Variants in ATRNL1 observed in about 807,000 individuals in gnomAD.
ATRNL1 encodes the protein attractin-like protein 1.
Under a neutral mutation model 182.7 loss-of-function variants are expected in ATRNL1, and 95 were observed. The ratio of observed to expected loss-of-function variants is 0.52; its 90% CI spans 0.44 to 0.62. The LOEUF (loss-of-function observed/expected upper bound fraction) is 0.62. Ranked by LOEUF, ATRNL1 falls within the 20% of genes least tolerant of loss-of-function variation. The pLI, the probability that ATRNL1 is intolerant of heterozygous loss-of-function variation, is 0.00. For missense variants in ATRNL1, 1,471 were observed against 1,679.5 expected (o/e 0.88, Z 2.17); for synonymous variants, 576 against 568.3 (o/e 1.01, Z -0.19).
Position 115,704,949 on chromosome 10 carries a change from C to T in ATRNL1, c.3796-22299C>T, listed in dbSNP as rs368887808. Among the ~76,000 whole-genome samples, 10 of 151,886 alleles carry T rather than the reference C, an allele frequency of 6.6e-5. No homozygotes were observed. In the East Asian group the frequency reaches 1.4e-3, roughly 21 times the overall value. ...CTAGTTAACTCCTTCTTCTCCTTCA[C>T]GTTTCATGTGGAAGCCTTCCCGGCC... On this transcript the variant is annotated intron_variant, in intron 26 of 28. Coordinates refer to ENST00000355044, the MANE Select transcript of ATRNL1 (RefSeq NM_207303.4).
rs797037402 is a variant in ATRNL1 at position 115,779,988 on chromosome 10, A to C, written c.3903+52633A>C. Among the ~76,000 whole-genome samples the C allele has an allele frequency of 4.6e-5, 7 of 152,348 alleles. 1 individual carries two copies. The highest frequency in any genetic ancestry group is 1.4e-4 in the African/African-American group (6 of 41,578). ...TACACACAAGAAAAGCACCTTCATA[A>C]GTACCAGAAATCAGGTGAGCAATCA... is the stretch of plus-strand genomic sequence containing the variant. On this transcript the variant is annotated intron_variant, in intron 27 of 28. Coordinates refer to ENST00000355044, the MANE Select transcript of ATRNL1 (RefSeq NM_207303.4).
chr10:115,541,390 GA>G (rs1208625011), intron 25 of ATRNL1, among the ~76,000 whole-genome samples: 8 of 152,036 alleles, frequency 5.3e-5, no homozygotes, highest in Non-Finnish European at 1.2e-4. Context: ...TGGATAAAAA[GA>G]AAAAGACAAA....
intron 20 of ATRNL1, among the ~76,000 whole-genome samples, chr10:115,416,307 T>A (rs1477465156): frequency 6.6e-6 from 1 of 152,154 alleles, no homozygotes; most frequent in Non-Finnish European, 1.5e-5. Context: ...TACCTGTGTT[T>A]CCTTAAATGA....
At chr10:115,869,941 G>A (rs1951537960) in intron 28 of ATRNL1, among the ~76,000 whole-genome samples, 1 of 127,276 alleles carries the variant, frequency 7.9e-6, no homozygotes, top group South Asian at 2.7e-4. Flanking sequence ...TCCTCTTCTT[G>A]GGTATTTATG....
chr10:115,578,043 G>A (rs1854832892), intron 26 of ATRNL1, among the ~76,000 whole-genome samples: 1 of 151,680 alleles, frequency 6.6e-6, no homozygotes, highest in Non-Finnish European at 1.5e-5. Context: ...CTTTTAATGT[G>A]TTGTGTCACA....
intron 15 of ATRNL1, among the ~76,000 whole-genome samples, chr10:115,291,681 AC>A (rs1852911280): frequency 6.6e-6 from 1 of 151,900 alleles, no homozygotes; most frequent in Non-Finnish European, 1.5e-5. Context: ...TGTAGGTTGA[AC>A]CATCCTTGTA....
chr10:115,888,639 T>C (rs1230068481), intron 28 of ATRNL1, among the ~76,000 whole-genome samples: 1 of 152,242 alleles, frequency 6.6e-6, no homozygotes, highest in Non-Finnish European at 1.5e-5. Context: ...ATAATTACTA[T>C]GCATTTTTCT....
intron 26 of ATRNL1, among the ~76,000 whole-genome samples, chr10:115,707,237 TCA>T (rs762819784): frequency 4.1e-4 from 63 of 151,826 alleles, no homozygotes; most frequent in Non-Finnish European, 3.2e-4. Flanking sequence ...TCTAAACAAT[TCA>T]GAGACATCAA....
intron 1 of ATRNL1, among the ~76,000 whole-genome samples, chr10:115,106,600 A>G (rs565828939): frequency 6.6e-6 from 1 of 152,308 alleles, no homozygotes; most frequent in South Asian, 2.1e-4. Context: ...TAATTGAATC[A>G]TGGGGGCCAG....
At chr10:115,462,148 AACT>A (rs1265404364) in intron 22 of ATRNL1, 113 bp downstream of exon 22, 2 of 600,008 alleles carry the variant, frequency 3.3e-6, no homozygotes, top group Non-Finnish European at 5.5e-6. Flanking sequence ...CCTTTGTAGA[AACT>A]ACTAATCCTA....
chr10:115,933,398 A>T (rs1413970348), intron 28 of ATRNL1, among the ~76,000 whole-genome samples: 4 of 128,964 alleles, frequency 3.1e-5, no homozygotes, highest in African/African-American at 4.7e-5. Context: ...TCATCAACTA[A>T]CAAGACCAAA....
chr10:115,251,974 G>A (rs1158465257), intron 10 of ATRNL1, among the ~76,000 whole-genome samples: 1 of 152,096 alleles, frequency 6.6e-6, no homozygotes, highest in African/African-American at 2.4e-5. Flanking sequence ...AGTACCACTT[G>A]TACTCTCCCA....
intron 18 of ATRNL1, among the ~76,000 whole-genome samples, chr10:115,325,370 A>G (rs964617465): frequency 2.0e-5 from 3 of 152,218 alleles, no homozygotes; most frequent in Non-Finnish European, 4.4e-5. Flanking sequence ...AGTGGGGAAT[A>G]GAACATAACC....
At chr10:115,125,490 A>T (rs1554873156) in intron 3 of ATRNL1, among the ~76,000 whole-genome samples, 2 of 151,872 alleles carry the variant, frequency 1.3e-5, no homozygotes, top group African/African-American at 4.8e-5. Flanking sequence ...GGAATGGAGA[A>T]GTGTTATTTT....
chr10:115,375,544 T>C (rs563988630), intron 19 of ATRNL1, among the ~76,000 whole-genome samples: 219 of 152,222 alleles, frequency 1.4e-3, no homozygotes, highest in African/African-American at 4.9e-3. Flanking sequence ...TTTGTTTCTT[T>C]CCTCCAACCT....
intron 27 of ATRNL1, among the ~76,000 whole-genome samples, chr10:115,809,774 A>G (rs550499709): frequency 3.5e-4 from 53 of 151,946 alleles, no homozygotes; most frequent in African/African-American, 1.3e-3. Flanking sequence ...TTTCATCTGT[A>G]TGCCTATTAT....
At chr10:115,398,673 T>C (rs1844407258) in intron 20 of ATRNL1, among the ~76,000 whole-genome samples, 1 of 152,116 alleles carries the variant, frequency 6.6e-6, no homozygotes, top group East Asian at 1.9e-4. Context: ...TGACTTCCCT[T>C]CTTTTTATTT....
chr10:115,099,974 A>G (rs1454500041), intron 1 of ATRNL1, among the ~76,000 whole-genome samples: 1 of 152,074 alleles, frequency 6.6e-6, no homozygotes, highest in Non-Finnish European at 1.5e-5. Context: ...TTTTTCTTTT[A>G]TACTTTTCAT....
intron 21 of ATRNL1, among the ~76,000 whole-genome samples, chr10:115,455,575 G>A (rs1847483224): frequency 6.6e-6 from 1 of 152,048 alleles, no homozygotes. Context: ...ATAGGCATGG[G>A]CAACGAGTTC....
Sources: gnomAD v4.1 joint callset for allele counts (sites outside exome capture counted in the v4.1 genomes callset) on GRCh38, gnomAD v4.1.1 for gene constraint, MANE v1.5 for transcripts, NCBI Gene and HGNC (gene_info 2026-07-23, HGNC 2026-07-21) for gene names.